Variants in PPP6R2 observed in about 807,000 individuals in gnomAD.
PPP6R2 encodes the protein protein phosphatase 6 regulatory subunit 2, also known as serine/threonine-protein phosphatase 6 regulatory subunit 2.
A neutral mutation model predicts 100.2 loss-of-function variants in PPP6R2; 62 were observed. The observed-to-expected ratio is 0.62, with a 90% CI of 0.50 to 0.76. The LOEUF (loss-of-function observed/expected upper bound fraction) is 0.76, where lower values mean the gene tolerates loss of function less well. Among genes scored for constraint, PPP6R2 ranks in the 30% least tolerant of loss-of-function variants. The pLI is 0.00. For synonymous variants in PPP6R2, 525 were observed against 514.7 expected, an observed-to-expected ratio of 1.02 and a Z score of -0.27; for missense variants, 1,142 against 1,276.3, an observed-to-expected ratio of 0.89 and a Z score of 1.60.
intron 1 of PPP6R2, among the ~76,000 whole-genome samples, chr22:50,368,050 C>A (rs2148449457): frequency 6.6e-6 from 1 of 152,330 alleles, no homozygotes; most frequent in Admixed American, 6.5e-5. Flanking sequence ...GAGAGAAGAG[C>A]TTACGTCATT....
At chr22:50,418,452 C>T (rs1489142101) in intron 6 of PPP6R2, among the ~76,000 whole-genome samples, 1 of 151,510 alleles carries the variant, frequency 6.6e-6, no homozygotes, top group Non-Finnish European at 1.5e-5. Flanking sequence ...GTGGTGCGAT[C>T]TTGGCTCACT....
At chr22:50,348,181 C>A (rs149488938) in intron 1 of PPP6R2, among the ~76,000 whole-genome samples, 1 of 152,092 alleles carries the variant, frequency 6.6e-6, no homozygotes, top group Non-Finnish European at 1.5e-5. Flanking sequence ...CTCATTAAGC[C>A]GTTCCTTGCA....
intron 10 of PPP6R2, among the ~76,000 whole-genome samples, chr22:50,425,966 AT>A (rs772488004): frequency 4.1e-5 from 6 of 145,770 alleles, no homozygotes; most frequent in Non-Finnish European, 9.1e-5. Context: ...TCTTTGGGTT[AT>A]CTTTTTACAT....
intron 3 of PPP6R2, among the ~76,000 whole-genome samples, chr22:50,405,735 T>C (rs1603260436): frequency 8.9e-6 from 1 of 112,828 alleles, no homozygotes. Flanking sequence ...TGGAGAGAGG[T>C]AAGAGGCCTG....
intron 10 of PPP6R2, among the ~76,000 whole-genome samples, chr22:50,430,353 C>T (rs1191853879): frequency 2.6e-5 from 4 of 152,246 alleles, no homozygotes; most frequent in Non-Finnish European, 4.4e-5. Flanking sequence ...GCCTGCCCAT[C>T]CTGGGTGGAA....
Position 50,423,457 on chromosome 22 carries a change from T to G in PPP6R2, c.973-5T>G. 1 of 1,614,214 alleles carries G rather than the reference T, an allele frequency of 6.2e-7. No individual in the cohort carries two copies. The highest frequency in any genetic ancestry group is 8.5e-7 in the Non-Finnish European group (1 of 1,180,022). On this transcript the variant is annotated splice_region_variant and splice_polypyrimidine_tract_variant and intron_variant, in intron 9 of 23. Coordinates refer to ENST00000612753, the MANE Select transcript of PPP6R2 (RefSeq NM_001242898.2). The surrounding 1 kb of genome is among the most constrained non-coding windows in gnomAD (Gnocchi z 4.8). ...CTAACTGGGTGGTGCCTTCTGTGTT[T>G]GCAGAAGAAAGCGATCCTGACCACC... is the stretch of plus-strand genomic sequence containing the variant.
the PPP6R2 span, among the ~76,000 whole-genome samples, chr22:50,333,317 G>A: frequency 6.6e-6 from 1 of 151,310 alleles, no homozygotes; most frequent in South Asian, 2.1e-4. Flanking sequence ...CGTAGTGTAA[G>A]TCCTCCAGCT....
At chr22:50,395,607 C>T (rs775436423) in intron 3 of PPP6R2, among the ~76,000 whole-genome samples, 4 of 152,180 alleles carry the variant, frequency 2.6e-5, no homozygotes, top group South Asian at 2.1e-4. Flanking sequence ...ATCGCCCAGG[C>T]TGGGGTGCAG....
chr22:50,404,089 ATTTTTTTT>A (rs55771128), intron 3 of PPP6R2, among the ~76,000 whole-genome samples: 1 of 116,414 alleles, frequency 8.6e-6, no homozygotes, highest in Non-Finnish European at 1.8e-5. Context: ...TGCACATTCT[ATTTTTTTT>A]TTTTTTTTTT....
intron 2 of PPP6R2, among the ~76,000 whole-genome samples, chr22:50,378,933 G>A (rs1160603317): frequency 6.6e-6 from 1 of 151,874 alleles, no homozygotes; most frequent in Non-Finnish European, 1.5e-5. Context: ...GGCCGTGAGG[G>A]CTCCACTCTC....
chr22:50,434,972 G>A lies in PPP6R2; in HGVS notation c.1407G>A (p.Ala469=), dbSNP rs780235702. The change falls in exon 13 of 24, where the codon GCG becomes GCA. Residue 469 remains alanine, a synonymous_variant. Coordinates refer to ENST00000612753, the MANE Select transcript of PPP6R2 (RefSeq NM_001242898.2). The part of the protein sequence containing the change: ...AWEANDHTQA[A]GGMRRGNMGH... ...TGGTGCCTGTTGCTTTCAGGGCAGC[G>A]GGTGGCATGAGACGTGGGAACATGG... 1.1e-5 allele frequency: 17 copies of A among 1,603,692 alleles called. No individual in the cohort carries two copies. Among genetic ancestry groups the A allele is most frequent in the East Asian group, 6.7e-5 (3 of 44,728 alleles).
At chr22:50,371,468 C>T (rs1442645824) in intron 1 of PPP6R2, among the ~76,000 whole-genome samples, 1 of 151,610 alleles carries the variant, frequency 6.6e-6, no homozygotes, top group Non-Finnish European at 1.5e-5. Flanking sequence ...TGCTCTCCAC[C>T]CTGGGCAGCA....
intron 4 of PPP6R2, among the ~76,000 whole-genome samples, chr22:50,412,425 G>A (rs1190226188): frequency 3.3e-5 from 5 of 151,786 alleles, no homozygotes; most frequent in East Asian, 3.9e-4. Flanking sequence ...CAAGTGATCC[G>A]CCTGCCTTGA....
chr22:50,384,885 C>T (rs549208781), intron 2 of PPP6R2, among the ~76,000 whole-genome samples: 1 of 152,212 alleles, frequency 6.6e-6, no homozygotes, highest in Non-Finnish European at 1.5e-5. Context: ...GGACTATAGG[C>T]GCACAGCACC....
At chr22:50,412,188 G>A (rs2059842717) in intron 4 of PPP6R2, among the ~76,000 whole-genome samples, 1 of 152,006 alleles carries the variant, frequency 6.6e-6, no homozygotes, top group Non-Finnish European at 1.5e-5. Flanking sequence ...AAAAAAAATA[G>A]AGGTTATTTT....
chr22:50,338,938 G>T (rs2042335775), upstream of PPP6R2, among the ~76,000 whole-genome samples: 2 of 128,994 alleles, frequency 1.6e-5, no homozygotes, highest in South Asian at 2.7e-4. Context: ...TGGTGTGTGT[G>T]GGTGTGTAGG....
chr22:50,350,422 G>T (rs2148050606), intron 1 of PPP6R2, among the ~76,000 whole-genome samples: 1 of 151,484 alleles, frequency 6.6e-6, no homozygotes, highest in Non-Finnish European at 1.5e-5. Context: ...ATAAAGATGG[G>T]ATTTCACCAT....
intron 1 of PPP6R2, among the ~76,000 whole-genome samples, chr22:50,360,465 A>C (rs944498651): frequency 1.3e-5 from 2 of 150,754 alleles, no homozygotes; most frequent in African/African-American, 2.4e-5. Flanking sequence ...CAGGCATAAG[A>C]GACCCTCCTG....
chr22:50,341,068 G>A (rs2042364755), upstream of PPP6R2, among the ~76,000 whole-genome samples: 1 of 151,942 alleles, frequency 6.6e-6, no homozygotes, highest in African/African-American at 2.4e-5. Context: ...CCGCCACCGC[G>A]CCTGGTTAAT....
Sources: gnomAD v4.1 joint callset for allele counts (sites outside exome capture counted in the v4.1 genomes callset) on GRCh38, gnomAD v4.1.1 for gene constraint, Gnocchi (gnomAD v3.1) non-coding constraint, MANE v1.5 for transcripts, NCBI Gene and HGNC (gene_info 2026-07-23, HGNC 2026-07-21) for gene names.